RNF212: variants seen among roughly 807,000 people sequenced by gnomAD.
The protein encoded by RNF212 is ring finger protein 212, also known as probable E3 SUMO-protein ligase RNF212.
RNF212 carries 33 observed loss-of-function variants against 34.7 expected under a neutral mutation model. That is an observed-to-expected ratio of 0.95 (90% confidence interval 0.72 to 1.27). RNF212 has a LOEUF of 1.27. Ranked by LOEUF, RNF212 falls within the 50% of genes most tolerant of loss-of-function variation. RNF212 has a pLI of 0.00. For missense variants in RNF212, 377 were observed against 362.2 expected (o/e 1.04, Z -0.33); for synonymous variants, 140 against 136.1 (o/e 1.03, Z -0.20).
rs188658198 is a variant in RNF212 at position 1,113,361 on chromosome 4, C to G, written c.104G>C (p.Gly35Ala). ...TGCGTTCGGGAAGCCCTGACCTTTG[C>G]CGAGGCAGGCGTCGCAGTACACGTG... ...CGHVYCDACL[G>A]KGKKNECLIC... The change falls in exon 1 of 10, where the codon GGC becomes GCC. Residue 35 changes from glycine to alanine, a missense_variant. Transcript: ENST00000433731. 621 of 1,464,770 alleles carry G rather than the reference C, an allele frequency of 4.2e-4. No individual in the cohort carries two copies. The highest frequency in any genetic ancestry group is 5.2e-4 in the Non-Finnish European group (566 of 1,096,988). 90.7% of individuals were successfully genotyped at this position (1,464,770 alleles called of 1,614,324 possible). A position where few individuals can be genotyped will look rare whatever the true frequency, so the allele number is the denominator to read the frequency against.
chr4:1,093,251 C>T (rs887772145), intron 3 of RNF212: 5 of 504,688 alleles, frequency 9.9e-6, no homozygotes, highest in Middle Eastern at 1.2e-3. Flanking sequence ...CCCCAGAGAG[C>T]TTTGCTTATG....
intron 3 of RNF212, among the ~76,000 whole-genome samples, chr4:1,063,694 CAAAAA>C (rs61295899): frequency 1.5e-3 from 201 of 131,476 alleles, no homozygotes; most frequent in Admixed American, 1.4e-3. Context: ...GACTCAGTCT[CAAAAA>C]AAAAAAAAAA....
At chr4:1,094,310 T>C (rs969122169) in intron 3 of RNF212, among the ~76,000 whole-genome samples, 2 of 151,986 alleles carry the variant, frequency 1.3e-5, no homozygotes, top group African/African-American at 4.8e-5. Flanking sequence ...CCCAGACTGG[T>C]GGACTGCAGC....
downstream of RNF212, among the ~76,000 whole-genome samples, chr4:1,067,198 A>G (rs928346338): frequency 2.0e-5 from 3 of 152,210 alleles, no homozygotes; most frequent in African/African-American, 7.2e-5. Flanking sequence ...GGGCTTCAAC[A>G]TATGAATTTT....
In RNF212 at chr4:1,079,693, T is replaced by G. The variant is rs377191999; in HGVS notation, c.465-5A>C. The G allele has an allele frequency of 9.3e-6, 15 of 1,608,194 alleles. No homozygotes were observed. Among genetic ancestry groups the G allele is most frequent in the Admixed American group, 1.7e-5 (1 of 59,998 alleles). On this transcript the variant is annotated splice_polypyrimidine_tract_variant and splice_region_variant and intron_variant, in intron 7 of 9. Coordinates refer to ENST00000433731, the MANE Select transcript of RNF212 (RefSeq NM_001131034.4). Reference sequence around the variant, plus strand: ...TCAACTTCCATCGACTCCAGTCTGTTAAACACATAGTGAAAGGCTTTGAGT... The same window carrying G: ...TCAACTTCCATCGACTCCAGTCTGTGAAACACATAGTGAAAGGCTTTGAGT...
rs1252161731 is a variant in RNF212 at position 1,093,412 on chromosome 4, G to A, written c.247-2574C>T. On this transcript the variant is annotated intron_variant, in intron 3 of 9. Coordinates refer to ENST00000433731, the MANE Select transcript of RNF212 (RefSeq NM_001131034.4). ...ATATTTATGTTACGTTGATATTAGA[G>A]CATAAATGTTACAATACCACCTCAC... 10 of 1,420,494 alleles carry A rather than the reference G, an allele frequency of 7.0e-6. No individual in the cohort carries two copies. The East Asian group carries it at 2.3e-4, about 32-fold the overall frequency. The allele number at this position is 1,420,494 out of a possible 1,614,324, so 88.0% of individuals were successfully genotyped here. A position where few individuals can be genotyped will look rare whatever the true frequency, so the allele number is the denominator to read the frequency against.
At chr4:1,066,550 C>T (rs907485889), downstream of RNF212, among the ~76,000 whole-genome samples, 3 of 152,090 alleles carry the variant, frequency 2.0e-5, no homozygotes, top group Non-Finnish European at 4.4e-5. Flanking sequence ...AGGCTGGTCT[C>T]GAACTCCTGA....
intron 2 of RNF212, among the ~76,000 whole-genome samples, chr4:1,107,812 T>C (rs1577835852): frequency 1.3e-5 from 2 of 152,380 alleles, no homozygotes; most frequent in Non-Finnish European, 1.5e-5. Flanking sequence ...CTTTGTATTA[T>C]GTTTGTAATC....
chr4:1,074,114 C>T (rs901814584), intron 8 of RNF212, among the ~76,000 whole-genome samples: 2 of 152,186 alleles, frequency 1.3e-5, no homozygotes, highest in Non-Finnish European at 1.5e-5. Context: ...GCCCACCCTT[C>T]ACTCTATCCA....
At chr4:1,091,780 T>C (rs758330834) in intron 3 of RNF212, among the ~76,000 whole-genome samples, 3 of 152,218 alleles carry the variant, frequency 2.0e-5, no homozygotes, top group African/African-American at 4.8e-5. Context: ...ACAGCAGGGA[T>C]GACAGCCTCG....
In RNF212 at chr4:1,058,361, C is replaced by T. The variant is rs1215954920; in HGVS notation, n.180G>A. 6.1e-6 allele frequency: 6 copies of T among 984,732 alleles called. No homozygotes were observed. The African/African-American group carries it at 7.0e-5, about 12-fold the overall frequency. The allele number at this position is 984,732 out of a possible 1,614,324, so 61.0% of individuals were successfully genotyped here. Reference sequence around the variant, plus strand: ...ATGCTCCTCTGACTCGTTGTCAGGCCGGGATGCTCGGGGCCCAGGGAGGAG... The same window carrying T: ...ATGCTCCTCTGACTCGTTGTCAGGCTGGGATGCTCGGGGCCCAGGGAGGAG... On this transcript the variant is annotated non_coding_transcript_exon_variant, in exon 4 of 5. Transcript: ENST00000503206.
intron 8 of RNF212, 47 bp downstream of exon 8, chr4:1,079,596 C>A: frequency 7.7e-7 from 1 of 1,306,282 alleles, no homozygotes; most frequent in Non-Finnish European, 1.1e-6. Flanking sequence ...ATGGGAAATG[C>A]CACACGTCTG....
chr4:1,066,959 G>C (rs10017931), downstream of RNF212, among the ~76,000 whole-genome samples: 2 of 151,974 alleles, frequency 1.3e-5, no homozygotes, highest in African/African-American at 4.8e-5. Flanking sequence ...ATTTTGAATT[G>C]ACTTTTCTAC....
At chr4:1,067,490 T>TA (rs1457449703), downstream of RNF212, among the ~76,000 whole-genome samples, 1 of 151,726 alleles carries the variant, frequency 6.6e-6, no homozygotes, top group Non-Finnish European at 1.5e-5. Flanking sequence ...AGGTTGAAAA[T>TA]AAAAGGATGG....
At chr4:1,056,529 T>C in intron 4 of RNF212, 2 of 976,988 alleles carry the variant, frequency 2.0e-6, no homozygotes, top group African/African-American at 1.7e-5. Flanking sequence ...AGGGTGCACA[T>C]GTTACATACA....
At chr4:1,102,942 C>A (rs1215315837) in intron 2 of RNF212, among the ~76,000 whole-genome samples, 1 of 151,144 alleles carries the variant, frequency 6.6e-6, no homozygotes, top group Non-Finnish European at 1.5e-5. Flanking sequence ...GAGATCGAGA[C>A]CATCCTGGCT....
At chr4:1,099,846 T>C (rs1327478521) in intron 2 of RNF212, 1 of 456,268 alleles carries the variant, frequency 2.2e-6, no homozygotes, top group East Asian at 7.0e-5. Context: ...CGGGTACCCC[T>C]GTGCGGGATC....
Position 1,073,007 on chromosome 4 carries a change from G to C in RNF212, c.761C>G (p.Pro254Arg), listed in dbSNP as rs565256039. ...GGCCCTTTGTACCTCAGCATATATT[G>C]GAAGTGTTTTAGAGTTGGTGAGTTC... is the stretch of plus-strand genomic sequence containing the variant. ...HGELTNSKTL[P>R]IYAEVQRAVL... The change falls in exon 10 of 10, where the codon CCA becomes CGA. Residue 254 changes from proline to arginine, a missense_variant. Pro to Arg is a moderately radical substitution (Grantham distance 103). Transcript: ENST00000433731. 1 of 1,614,188 alleles carries C rather than the reference G, an allele frequency of 6.2e-7. No individual in the cohort carries two copies. The highest frequency in any genetic ancestry group is 8.5e-7 in the Non-Finnish European group (1 of 1,180,032).
chr4:1,090,011 T>C (rs779712456), intron 4 of RNF212, among the ~76,000 whole-genome samples: 6 of 149,280 alleles, frequency 4.0e-5, no homozygotes, highest in Non-Finnish European at 7.4e-5. Flanking sequence ...GGTGACAGGA[T>C]GGGATGAGGG....
Sources: gnomAD v4.1 joint callset for allele counts (sites outside exome capture counted in the v4.1 genomes callset) on GRCh38, gnomAD v4.1.1 for gene constraint, MANE v1.5 for transcripts, NCBI Gene and HGNC (gene_info 2026-07-23, HGNC 2026-07-21) for gene names.